Variants in GABRA2 observed in about 807,000 individuals in gnomAD.
GABRA2 encodes gamma-aminobutyric acid type A receptor subunit alpha2.
Under a neutral mutation model 48.7 loss-of-function variants are expected in GABRA2, and 16 were observed. That is an observed-to-expected ratio of 0.33 (90% CI 0.22 to 0.50). The LOEUF is 0.50. GABRA2 is among the 20% of genes least tolerant of loss of function. The pLI is 0.98. For synonymous variants in GABRA2, 185 were observed against 184.5 expected, an observed-to-expected ratio of 1.00 and a Z score of -0.02; for missense variants, 275 against 535.6, an observed-to-expected ratio of 0.51 and a Z score of 4.80.
chr4:46,336,930 C>T (rs977800628), intron 3 of GABRA2, among the ~76,000 whole-genome samples: 3 of 152,032 alleles, frequency 2.0e-5, no homozygotes, highest in Admixed American at 6.6e-5. Flanking sequence ...TAAATAATTT[C>T]AAGAAGTATT....
At position 46,389,803 on chromosome 4, in the gene GABRA2, G is replaced by T. The variant is rs957212598; in HGVS notation, c.-79C>A. The stretch of plus-strand genomic sequence containing the variant: ...GATCTTGACGAGATAGGAAACTTGG[G>T]AGAGAGAGAGAGAGAGAGAGAGAGA... On this transcript the variant is annotated 5_prime_UTR_variant, in exon 1 of 10. Coordinates refer to ENST00000381620, the MANE Select transcript of GABRA2 (RefSeq NM_000807.4). The T allele has an allele frequency of 2.8e-5, 4 of 145,416 alleles. No homozygotes were observed. In the African/African-American group the frequency reaches 6.5e-4, roughly 24 times the overall value. The allele number at this position is 145,416 out of a possible 1,614,324, so 9.0% of individuals were successfully genotyped here. A position where few individuals can be genotyped will look rare whatever the true frequency, so the allele number is the denominator to read the frequency against.
intron 3 of GABRA2, among the ~76,000 whole-genome samples, chr4:46,355,253 G>A (rs1024299068): frequency 6.6e-5 from 10 of 151,968 alleles, no homozygotes; most frequent in Middle Eastern, 3.4e-3. Flanking sequence ...CACTTCTTGC[G>A]GTATAAACAT....
rs149764406 is a variant in GABRA2, at chr4:46,307,335, A to C, written c.560-1624T>G. Among the ~76,000 whole-genome samples, 502 of 152,176 alleles carry C rather than the reference A, an allele frequency of 3.3e-3. 1 individual carries two copies. The highest frequency in any genetic ancestry group is 0.011 in the African/African-American group (452 of 41,544). On this transcript the variant is annotated intron_variant, in intron 6 of 9. Transcript: ENST00000381620. ...GAATACATATTCTGGCGCTCTCTTC[A>C]ATAAAATTTCAAATGGCACAGAATT...
chr4:46,350,500 T>C (rs931243511), intron 3 of GABRA2, among the ~76,000 whole-genome samples: 2 of 151,864 alleles, frequency 1.3e-5, no homozygotes, highest in Non-Finnish European at 2.9e-5. Context: ...TGTATATATA[T>C]ACACATACAT....
intron 3 of GABRA2, among the ~76,000 whole-genome samples, chr4:46,357,187 G>A (rs1468742814): frequency 1.3e-5 from 2 of 151,578 alleles, no homozygotes; most frequent in African/African-American, 4.8e-5. Flanking sequence ...GAACTCCTAG[G>A]GTGAAATATT....
At chr4:46,293,294 T>A (rs1724017753) in intron 8 of GABRA2, among the ~76,000 whole-genome samples, 1 of 151,972 alleles carries the variant, frequency 6.6e-6, no homozygotes, top group Admixed American at 6.6e-5. Context: ...TGAAGGGGGG[T>A]CCCCTTGAGA....
intron 3 of GABRA2, among the ~76,000 whole-genome samples, chr4:46,375,326 A>G (rs540115298): frequency 6.6e-6 from 1 of 152,314 alleles, no homozygotes; most frequent in South Asian, 2.1e-4. Context: ...AAAAACAAAA[A>G]TTTCCAGAAT....
intron 6 of GABRA2, 22 bp downstream of exon 6, chr4:46,310,151 G>GT: frequency 6.3e-7 from 1 of 1,591,036 alleles, no homozygotes; most frequent in African/African-American, 1.3e-5. Flanking sequence ...CCCAAAACAT[G>GT]TAACTTCATC....
chr4:46,253,406 T>C (rs1272434658), intron 9 of GABRA2, among the ~76,000 whole-genome samples: 1 of 151,498 alleles, frequency 6.6e-6, no homozygotes, highest in Non-Finnish European at 1.5e-5. Flanking sequence ...CAGCCAAGTA[T>C]CAACCCTGCA....
chr4:46,255,401 C>T (rs1715616976), intron 9 of GABRA2, among the ~76,000 whole-genome samples: 1 of 151,476 alleles, frequency 6.6e-6, no homozygotes, highest in South Asian at 2.1e-4. Context: ...TTCAATTTCA[C>T]CATCTACAGA....
At chr4:46,273,488 T>TGC (rs1719817409) in intron 8 of GABRA2, among the ~76,000 whole-genome samples, 3 of 45,956 alleles carry the variant, frequency 6.5e-5, no homozygotes, top group African/African-American at 3.3e-4. Context: ...TATATGCATA[T>TGC]ATATATATAT....
intron 4 of GABRA2, 36 bp from the exon 5 acceptor site, chr4:46,312,752 A>T (rs998174272): frequency 1.8e-6 from 2 of 1,082,276 alleles, no homozygotes; most frequent in African/African-American, 3.2e-5. Flanking sequence ...GAAAATAGTA[A>T]ATGTTGTAGA....
intron 3 of GABRA2, among the ~76,000 whole-genome samples, chr4:46,384,222 G>A (rs184161908): frequency 6.6e-6 from 1 of 152,104 alleles, no homozygotes; most frequent in Non-Finnish European, 1.5e-5. Context: ...GGGAGCCACT[G>A]TTGGCACTTG....
At chr4:46,382,894 G>A (rs1039864781) in intron 3 of GABRA2, among the ~76,000 whole-genome samples, 1 of 152,072 alleles carries the variant, frequency 6.6e-6, no homozygotes, top group Admixed American at 6.5e-5. Context: ...TAGCAATTGA[G>A]ACTAATTAAA....
chr4:46,271,297 G>T (rs1719288519), intron 8 of GABRA2, among the ~76,000 whole-genome samples: 1 of 151,860 alleles, frequency 6.6e-6, no homozygotes, highest in South Asian at 2.1e-4. Flanking sequence ...AAATTGAAAG[G>T]ACAGAATATA....
At chr4:46,298,363 A>T (rs1177523116) in intron 8 of GABRA2, among the ~76,000 whole-genome samples, 1 of 151,976 alleles carries the variant, frequency 6.6e-6, no homozygotes, top group Non-Finnish European at 1.5e-5. Context: ...AACTCTTAAC[A>T]TATATTTTTC....
chr4:46,332,254 A>G (rs2109810967), intron 4 of GABRA2, among the ~76,000 whole-genome samples: 1 of 152,248 alleles, frequency 6.6e-6, no homozygotes, highest in Middle Eastern at 3.4e-3. Flanking sequence ...CTAATTCTGT[A>G]AGAAGTCTTT....
chr4:46,335,978 G>T (rs1732160596), intron 3 of GABRA2, among the ~76,000 whole-genome samples: 1 of 151,914 alleles, frequency 6.6e-6, no homozygotes, highest in Non-Finnish European at 1.5e-5. Context: ...CTTTTTATGG[G>T]ACCTTTCAAC....
chr4:46,341,951 A>C (rs1004114820), intron 3 of GABRA2, among the ~76,000 whole-genome samples: 3 of 152,028 alleles, frequency 2.0e-5, no homozygotes, highest in Non-Finnish European at 4.4e-5. Context: ...CACAAGAGCA[A>C]GCTAAGTCAA....
Sources: allele counts gnomAD v4.1 joint callset (sites outside exome capture counted in the v4.1 genomes callset), GRCh38; gene constraint gnomAD v4.1.1; transcripts MANE v1.5; gene names NCBI Gene and HGNC (gene_info 2026-07-23, HGNC 2026-07-21).